Variants in STX8 observed in about 807,000 individuals in gnomAD.
STX8 encodes syntaxin-8.
Under a neutral mutation model 37.5 loss-of-function variants are expected in STX8, and 23 were observed. The ratio of observed to expected loss-of-function variants is 0.61; its 90% CI spans 0.44 to 0.87. STX8 has a LOEUF of 0.87. Among genes scored for constraint, STX8 ranks in the 40% least tolerant of loss-of-function variants. STX8 has a pLI of 0.00. For missense variants in STX8, 313 were observed against 284.7 expected, an observed-to-expected ratio of 1.10 and a Z score of -0.71; for synonymous variants, 115 against 99.1, an observed-to-expected ratio of 1.16 and a Z score of -0.95.
intron 5 of STX8, among the ~76,000 whole-genome samples, chr17:9,501,690 C>T (rs2142494492): frequency 1.3e-5 from 2 of 149,864 alleles, no homozygotes; most frequent in Middle Eastern, 7.1e-3. Flanking sequence ...AAAAAATAAA[C>T]AGGCCAGGCA....
intron 7 of STX8, among the ~76,000 whole-genome samples, chr17:9,273,891 C>T (rs996856041): frequency 2.6e-5 from 4 of 152,066 alleles, no homozygotes; most frequent in Admixed American, 2.0e-4. Flanking sequence ...CATGCTCTGC[C>T]GTCTGCTCTC....
At chr17:9,276,717 C>A (rs1235363252) in intron 7 of STX8, among the ~76,000 whole-genome samples, 1 of 147,832 alleles carries the variant, frequency 6.8e-6, no homozygotes, top group Admixed American at 6.7e-5. Context: ...CTCACTGCAA[C>A]CTCTACCTCC....
Position 9,419,920 on chromosome 17 carries a change from T to C in STX8, c.542-41267A>G, listed in dbSNP as rs889624117. On this transcript the variant is annotated intron_variant, in intron 6 of 7. Transcript: ENST00000306357. ...TTTTCTTTTGGCATAGGCTAACTTT[T>C]CAGTAATTGTGTAAAAGTTACCCTC... 2.4e-4 allele frequency among the ~76,000 whole-genome samples: 36 copies of C among 152,240 alleles called. 1 individual carries two copies. The highest frequency in any genetic ancestry group is 2.1e-4 in the South Asian group (1 of 4,832).
intron 6 of STX8, among the ~76,000 whole-genome samples, chr17:9,423,871 T>C (rs1913530734): frequency 6.6e-6 from 1 of 152,046 alleles, no homozygotes; most frequent in Non-Finnish European, 1.5e-5. Context: ...GCAATCCTAG[T>C]TTTCCGCTGA....
intron 6 of STX8, among the ~76,000 whole-genome samples, chr17:9,459,847 G>A (rs1318023962): frequency 6.6e-6 from 1 of 152,206 alleles, no homozygotes; most frequent in Admixed American, 6.5e-5. Flanking sequence ...GAAGAGTTGA[G>A]CTGAAATCTG....
intron 7 of STX8, among the ~76,000 whole-genome samples, chr17:9,317,980 G>C (rs1319333899): frequency 6.6e-6 from 1 of 152,168 alleles, no homozygotes; most frequent in Non-Finnish European, 1.5e-5. Flanking sequence ...CATTTACATA[G>C]AGCTTCCCAT....
At chr17:9,486,731 G>A (rs975589069) in intron 6 of STX8, among the ~76,000 whole-genome samples, 2 of 151,714 alleles carry the variant, frequency 1.3e-5, no homozygotes, top group African/African-American at 2.4e-5. Context: ...CTATGGTGCC[G>A]GCCTGTAGTC....
chr17:9,464,128 CTTT>C (rs930707771), intron 6 of STX8, among the ~76,000 whole-genome samples: 2 of 152,154 alleles, frequency 1.3e-5, no homozygotes, highest in East Asian at 3.8e-4. Flanking sequence ...AAATATTCTT[CTTT>C]GAGACAATTA....
intron 1 of STX8, among the ~76,000 whole-genome samples, chr17:9,574,132 G>A (rs529817899): frequency 6.6e-6 from 1 of 151,906 alleles, no homozygotes; most frequent in South Asian, 2.1e-4. Flanking sequence ...TTAGCTGGGC[G>A]TGGCTGCGTG....
chr17:9,435,186 T>C (rs78671435), intron 6 of STX8, among the ~76,000 whole-genome samples: 8,710 of 152,220 alleles, frequency 0.057, 718 homozygotes, highest in African/African-American at 0.18. Context: ...AACAGGTTTG[T>C]GGGGAAAGAT....
At chr17:9,258,832 T>C (rs1461749670) in intron 7 of STX8, among the ~76,000 whole-genome samples, 1 of 152,210 alleles carries the variant, frequency 6.6e-6, no homozygotes, top group Non-Finnish European at 1.5e-5. Context: ...CCTCTGAGTG[T>C]AGCCTCAGCC....
intron 7 of STX8, among the ~76,000 whole-genome samples, chr17:9,320,898 C>T (rs1040585960): frequency 2.5e-5 from 2 of 78,846 alleles, no homozygotes; most frequent in African/African-American, 4.0e-5. Context: ...GACTATTTTC[C>T]AAAAAAAAAA....
intron 7 of STX8, among the ~76,000 whole-genome samples, chr17:9,368,816 T>C (rs1293558519): frequency 6.6e-6 from 1 of 152,238 alleles, no homozygotes; most frequent in African/African-American, 2.4e-5. Flanking sequence ...TGGAAACCTC[T>C]GAGCCCTTGG....
At chr17:9,549,037 A>G (rs1441269960) in intron 3 of STX8, among the ~76,000 whole-genome samples, 1 of 152,314 alleles carries the variant, frequency 6.6e-6, no homozygotes, top group Non-Finnish European at 1.5e-5. Context: ...CTTTATAGTC[A>G]AAGGAATTTT....
At position 9,557,457 on chromosome 17, in the gene STX8, T is replaced by C. The variant is rs1433921069; in HGVS notation, c.189A>G (p.Leu63=). The change falls in exon 3 of 8, where the codon CTA becomes CTG. Residue 63 remains leucine (L), a synonymous_variant. Coordinates refer to ENST00000306357, the MANE Select transcript of STX8 (RefSeq NM_004853.3). ...EKIALLKDLL[L]RAVSTHQITQ... ...ACATCTGATGTGTTGACACAGCTCT[T>C]AGCAATAAGTCCTTCAAAAGGGCGA... is the stretch of plus-strand genomic sequence containing the variant. 6.2e-7 allele frequency: 1 copy of C among 1,613,960 alleles called. No individual in the cohort carries two copies. Among genetic ancestry groups the C allele is most frequent in the Non-Finnish European group, 8.5e-7 (1 of 1,179,860 alleles).
At chr17:9,346,088 G>T (rs966388759) in intron 7 of STX8, among the ~76,000 whole-genome samples, 2 of 152,040 alleles carry the variant, frequency 1.3e-5, no homozygotes, top group Non-Finnish European at 2.9e-5. Flanking sequence ...CTGACCTCAA[G>T]TGATCTACCT....
intron 7 of STX8, among the ~76,000 whole-genome samples, chr17:9,319,633 T>G (rs551129020): frequency 3.3e-5 from 5 of 151,992 alleles, no homozygotes; most frequent in African/African-American, 1.2e-4. Flanking sequence ...AAAAGGAAGA[T>G]TCGGTTCAGA....
chr17:9,493,130 G>T (rs895566211), intron 5 of STX8, among the ~76,000 whole-genome samples: 1 of 151,452 alleles, frequency 6.6e-6, no homozygotes, highest in Admixed American at 6.6e-5. Flanking sequence ...AGGCACGATG[G>T]CATGTACCTG....
In STX8 at chr17:9,268,091, C is replaced by T. The variant is rs180784085; in HGVS notation, c.644-17446G>A. ...AAGGGATATGCATCTTCTACCCAGA[C>T]CCTCCCATATGCTCTCCTCTCTAGG... On this transcript the variant is annotated intron_variant, in intron 7 of 7. Transcript: ENST00000306357. Among the ~76,000 whole-genome samples the T allele has an allele frequency of 2.6e-5, 4 of 152,132 alleles. No homozygotes were observed. In the East Asian group the frequency reaches 5.8e-4, roughly 22 times the overall value.
Sources: allele counts gnomAD v4.1 joint callset (sites outside exome capture counted in the v4.1 genomes callset), GRCh38; gene constraint gnomAD v4.1.1; transcripts MANE v1.5; gene names NCBI Gene and HGNC (gene_info 2026-07-23, HGNC 2026-07-21).